The following PLCD3 variants were observed in gnomAD, a reference collection of about 807,000 sequenced individuals.
The protein encoded by PLCD3 is phospholipase C delta 3.
In PLCD3, 62 loss-of-function variants were observed where a neutral mutation model predicts 82.8. The ratio of observed to expected loss-of-function variants is 0.75; its 90% confidence interval spans 0.61 to 0.93. PLCD3 has a LOEUF of 0.93. Ranked by LOEUF, PLCD3 falls within the 40% of genes least tolerant of loss-of-function variation. The probability of loss-of-function intolerance (pLI) is 0.00; values close to 1 mark genes in which losing one functional copy is unlikely to be tolerated. For missense variants in PLCD3, 1,023 were observed against 1,103.4 expected, an observed-to-expected ratio of 0.93 and a Z score of 1.03; for synonymous variants, 478 against 471.8, an observed-to-expected ratio of 1.01 and a Z score of -0.17.
At chr17:45,115,311 C>T in intron 9 of PLCD3, 33 bp downstream of exon 9, 1 of 1,515,740 alleles carries the variant, frequency 6.6e-7, no homozygotes. Context: ...CCACCTTCCC[C>T]CCCTTCCCCA....
intron 1 of PLCD3, among the ~76,000 whole-genome samples, chr17:45,125,196 C>T (rs1007282985): frequency 2.6e-5 from 4 of 151,086 alleles, no homozygotes; most frequent in Non-Finnish European, 5.9e-5. Context: ...GGCATGGTGG[C>T]TCACACCTGC....
chr17:45,124,469 G>A (rs148132406), intron 1 of PLCD3, among the ~76,000 whole-genome samples: 1,316 of 131,256 alleles, frequency 0.01, 14 homozygotes, highest in African/African-American at 0.032. Context: ...AGTCCCAGGC[G>A]GGGCCAGGTG....
At chr17:45,123,929 C>T (rs901245333) in intron 1 of PLCD3, among the ~76,000 whole-genome samples, 11 of 149,942 alleles carry the variant, frequency 7.3e-5, no homozygotes, top group Admixed American at 4.0e-4. Flanking sequence ...GTGTACACGG[C>T]ACGTGCCAGG....
At position 45,121,047 on chromosome 17, in the gene PLCD3, G is replaced by A. The variant is rs958052474; in HGVS notation, c.409C>T (p.Arg137Cys). The change falls in exon 3 of 15, where the codon CGC (arginine) becomes TGC (cysteine). Residue 137 changes from arginine to cysteine, a missense_variant. By Grantham distance (180) the Arg-to-Cys change is radical. Transcript: ENST00000619929. ...CCCTTGAAGGCGATGGTGAGGCAGC[G>A]CGCTGGCGCGAAGGCACCCCCGAAG... ...RRFGGAFAPA[R>C]CLTIAFKGRR... The A allele has an allele frequency of 4.5e-6, 7 of 1,539,744 alleles. No homozygotes were observed. The highest frequency in any genetic ancestry group is 4.3e-6 in the Non-Finnish European group (5 of 1,150,600).
chr17:45,131,268 C>A (rs1307720800), intron 1 of PLCD3, among the ~76,000 whole-genome samples: 1 of 152,248 alleles, frequency 6.6e-6, no homozygotes, highest in African/African-American at 2.4e-5. Context: ...GGGTCCCTGG[C>A]AGCCTTGTCC....
chr17:45,120,527 C>A (rs1324195649), intron 3 of PLCD3, 73 bp from the exon 4 acceptor site: 3 of 1,598,268 alleles, frequency 1.9e-6, no homozygotes, highest in Non-Finnish European at 2.6e-6. Context: ...TGGTAAGTCA[C>A]CCCCACCTGG....
intron 11 of PLCD3, 31 bp downstream of exon 11, chr17:45,114,219 G>T (rs748345367): frequency 2.7e-6 from 4 of 1,489,268 alleles, no homozygotes; most frequent in Admixed American, 2.3e-5. Context: ...GTGGCACCCC[G>T]CCTGCTCTCA....
chr17:45,119,894 G>A (rs1431178801), intron 4 of PLCD3, among the ~76,000 whole-genome samples: 1 of 152,236 alleles, frequency 6.6e-6, no homozygotes, highest in Non-Finnish European at 1.5e-5. Context: ...CCACTCCTGT[G>A]TGCCCCTGTG....
intron 1 of PLCD3, among the ~76,000 whole-genome samples, chr17:45,129,829 T>G (rs2054406541): frequency 6.6e-6 from 1 of 152,194 alleles, no homozygotes; most frequent in Non-Finnish European, 1.5e-5. Context: ...TCTTCCTCCT[T>G]CCCCGCTCAT....
chr17:45,113,515 G>A lies in PLCD3; in HGVS notation c.1919C>T (p.Pro640Leu). The A allele has an allele frequency of 1.9e-6, 3 of 1,582,236 alleles. No homozygotes were observed. The highest frequency in any genetic ancestry group is 2.6e-6 in the Non-Finnish European group (3 of 1,164,496). ...CGAGTCAGGTTGCCGCAGGCAGGCA[G>A]GTTTTAGGACGTAGCCACACTGCCC... ...VNGQCGYVLK[P>L]ACLRQPDSTF... Residue 640 changes from proline (P) to leucine (L), a missense_variant, in exon 12 of 15, where the codon CCT becomes CTT. Physicochemically the swap from Pro to Leu is moderately conservative, Grantham distance 98 (BLOSUM62 -3). Coordinates refer to ENST00000619929, the MANE Select transcript of PLCD3 (RefSeq NM_133373.5).
intron 1 of PLCD3, among the ~76,000 whole-genome samples, chr17:45,131,963 C>T (rs886192268): frequency 6.6e-6 from 1 of 152,190 alleles, no homozygotes; most frequent in Non-Finnish European, 1.5e-5. Flanking sequence ...GCTCCATTCT[C>T]CTTGGAGACC....
intron 1 of PLCD3, among the ~76,000 whole-genome samples, chr17:45,130,730 A>C (rs2054417101): frequency 1.1e-4 from 15 of 140,078 alleles, no homozygotes; most frequent in South Asian, 4.6e-4. Flanking sequence ...CCTGCCCCCC[A>C]CTCTCCACAC....
In PLCD3 at chr17:45,110,318, CCTGTAATCCCAG is replaced by C; in HGVS notation, c.*2286_*2297del. ...AATTAGCTGGGTATGGTGGCGGGCG[CCTGTAATCCCAG>C]CTACTCCGGAGGCTGAGGCAAGAGA... On this transcript the variant is annotated 3_prime_UTR_variant, in exon 15 of 15. Transcript: ENST00000619929. The C allele has an allele frequency of 6.6e-6, 1 of 152,166 alleles. No individual in the cohort carries two copies. The highest frequency in any genetic ancestry group is 1.9e-4 in the East Asian group (1 of 5,150). The allele number at this position is 152,166 out of a possible 1,614,324, so 9.4% of individuals were successfully genotyped here.
chr17:45,127,738 C>G (rs1027682102), intron 1 of PLCD3, among the ~76,000 whole-genome samples: 1 of 151,722 alleles, frequency 6.6e-6, no homozygotes, highest in Non-Finnish European at 1.5e-5. Context: ...GGGGTGTATG[C>G]ATAGGTGGGG....
rs2054352672 is a variant in PLCD3 at position 45,122,915 on chromosome 17, G to A, written c.164-1543C>T. The stretch of plus-strand genomic sequence containing the variant: ...TTGGAGGTGGGGCACAGCCCGGAGT[G>A]AATGAGGGCCCAGAGTTTCCAGAGA... On this transcript the variant is annotated intron_variant, in intron 1 of 14. Transcript: ENST00000619929. 3.3e-5 allele frequency among the ~76,000 whole-genome samples: 5 copies of A among 152,158 alleles called. No homozygotes were observed. In the South Asian group the frequency reaches 8.3e-4, roughly 25 times the overall value.
At chr17:45,131,855 G>A (rs913326414) in intron 1 of PLCD3, among the ~76,000 whole-genome samples, 1 of 152,172 alleles carries the variant, frequency 6.6e-6, no homozygotes, top group South Asian at 2.1e-4. Context: ...CCGCAAACTC[G>A]CATCCTTCCT....
chr17:45,132,121 C>T lies in PLCD3; in HGVS notation c.163+127G>A, dbSNP rs1298273393. The T allele has an allele frequency of 2.8e-6, 3 of 1,054,316 alleles. No homozygotes were observed. Among genetic ancestry groups the T allele is most frequent in the East Asian group, 6.5e-5 (2 of 30,574 alleles). 65.3% of individuals were successfully genotyped at this position (1,054,316 alleles called of 1,614,324 possible). A position where few individuals can be genotyped will look rare whatever the true frequency, so the allele number is the denominator to read the frequency against. Reference sequence around the variant, plus strand: ...CCCCAGCTGGAGGGAGCTGGCCCTCCGCCCCTAGCCATAGCCTCCCAGCCC... The same window carrying T: ...CCCCAGCTGGAGGGAGCTGGCCCTCTGCCCCTAGCCATAGCCTCCCAGCCC... On this transcript the variant is annotated intron_variant, in intron 1 of 14. Coordinates refer to ENST00000619929, the MANE Select transcript of PLCD3 (RefSeq NM_133373.5). The surrounding 1 kb of genome is among the most constrained non-coding windows in gnomAD (Gnocchi z 4.6).
At chr17:45,113,706 C>G (rs926435584) in intron 11 of PLCD3, 101 bp from the exon 12 acceptor site, 1 of 1,404,698 alleles carries the variant, frequency 7.1e-7, no homozygotes, top group Non-Finnish European at 9.6e-7. Context: ...CCTGGGGTCC[C>G]ACTGTCTGCT....
chr17:45,112,924 G>A lies in PLCD3; in HGVS notation c.2220C>T (p.Asp740=), dbSNP rs774345939. 2.6e-5 allele frequency: 42 copies of A among 1,612,670 alleles called. No homozygotes were observed. The highest frequency in any genetic ancestry group is 5.5e-5 in the South Asian group (5 of 90,786). Residue 740 remains aspartate (D), a synonymous_variant, in exon 14 of 15, where the codon GAC becomes GAT. Coordinates refer to ENST00000619929, the MANE Select transcript of PLCD3 (RefSeq NM_133373.5). ...ALVRFVVEDY[D]ATSPNDFVGQ... is the part of the protein sequence containing the mutation. ...CCACAAAGTCATTGGGGGAGGTGGC[G>A]TCATAATCTTCCACCACAAACCGGA...
Sources: allele counts gnomAD v4.1 joint callset (sites outside exome capture counted in the v4.1 genomes callset), GRCh38; gene constraint gnomAD v4.1.1; non-coding constraint Gnocchi (gnomAD v3.1); transcripts MANE v1.5; gene names NCBI Gene and HGNC (gene_info 2026-07-23, HGNC 2026-07-21).